Variants in EXOSC10 observed in about 807,000 individuals in gnomAD.
The protein encoded by EXOSC10 is exosome component 10, also known as exosome complex component 10.
In EXOSC10, 94 loss-of-function variants were observed where a neutral mutation model predicts 126.6. The ratio of observed to expected loss-of-function variants is 0.74; its 90% CI spans 0.63 to 0.88. EXOSC10 has a LOEUF of 0.88. Among genes scored for constraint, EXOSC10 ranks in the 40% least tolerant of loss-of-function variants. The pLI is 0.00. For synonymous variants in EXOSC10, 395 were observed against 400.8 expected (o/e 0.99, Z 0.17); for missense variants, 1,041 against 1,100.5 (o/e 0.95, Z 0.77).
At chr1:11,090,716 T>C in intron 5 of EXOSC10, 48 bp from the exon 6 acceptor site, 1 of 1,391,672 alleles carries the variant, frequency 7.2e-7, no homozygotes, top group Non-Finnish European at 9.9e-7. Flanking sequence ...ATTCATGTCT[T>C]TTCTAATTAC....
intron 16 of EXOSC10, 40 bp from the exon 17 acceptor site, chr1:11,076,988 T>C (rs1553165432): frequency 3.3e-6 from 5 of 1,514,720 alleles, no homozygotes; most frequent in East Asian, 2.3e-5. Context: ...GCCTACAGAA[T>C]TTTGTTTATT....
chr1:11,082,094 A>C (rs560643790), intron 10 of EXOSC10, among the ~76,000 whole-genome samples: 1 of 151,522 alleles, frequency 6.6e-6, no homozygotes, highest in Admixed American at 6.6e-5. Flanking sequence ...AAAAAAAAAG[A>C]AAAAAAGAAA....
At chr1:11,084,237 CCCA>C (rs1640360589) in intron 9 of EXOSC10, among the ~76,000 whole-genome samples, 1 of 152,180 alleles carries the variant, frequency 6.6e-6, no homozygotes, top group African/African-American at 2.4e-5. Flanking sequence ...AGTTTACAGT[CCCA>C]CCAACAGTGT....
chr1:11,072,150 C>G lies in EXOSC10; in HGVS notation c.2179G>C (p.Ala727Pro), dbSNP rs770427032. 1 of 1,613,116 alleles carries G rather than the reference C, an allele frequency of 6.2e-7. No individual in the cohort carries two copies. Among genetic ancestry groups the G allele is most frequent in the Admixed American group, 1.7e-5 (1 of 59,764 alleles). ...IYEISNRWKL[A>P]QVQVQKDSKE... ...GAGTCTTTTTGTACTTGTACCTGGGCCAGCTTCCAGCGGTTGCTGATCTAT... is the reference window on the plus strand; with the variant it reads ...GAGTCTTTTTGTACTTGTACCTGGGGCAGCTTCCAGCGGTTGCTGATCTAT... Residue 727 changes from alanine to proline, a missense_variant, in exon 20 of 25, where the codon GCC becomes CCC. By Grantham distance (27) the Ala-to-Pro change is conservative. Around this residue, in one of 3 missense-constraint regions of EXOSC10, gnomAD observed 388 missense variants for 415.2 expected, o/e 0.93. Transcript: ENST00000376936.
chr1:11,090,682 C>G lies in EXOSC10; in HGVS notation c.644-14G>C. 6.4e-7 allele frequency: 1 copy of G among 1,571,500 alleles called. No homozygotes were observed. Among genetic ancestry groups the G allele is most frequent in the Non-Finnish European group, 8.7e-7 (1 of 1,151,902 alleles). ...CCTTAGAGAGAGCTGGGGATCCCAG[C>G]AGTGACAAAAACATCATTAGCACAT... On this transcript the variant is annotated splice_polypyrimidine_tract_variant and intron_variant, in intron 5 of 24. Transcript: ENST00000376936.
At chr1:11,079,636 C>T in intron 14 of EXOSC10, 75 bp downstream of exon 14, 3 of 1,243,342 alleles carry the variant, frequency 2.4e-6, no homozygotes, top group Non-Finnish European at 3.5e-6. Context: ...TGAAATGATC[C>T]AGCCACCTCA....
chr1:11,068,203 C>A, intron 23 of EXOSC10, 119 bp from the exon 24 acceptor site: 2 of 746,670 alleles, frequency 2.7e-6, no homozygotes, highest in East Asian at 2.6e-5. Context: ...CTTTAGATCC[C>A]CTGAGAGAGG....
chr1:11,070,198 C>T (rs1409819309), intron 21 of EXOSC10, among the ~76,000 whole-genome samples: 1 of 146,768 alleles, frequency 6.8e-6, no homozygotes, highest in East Asian at 2.0e-4. Flanking sequence ...AATTGCACCA[C>T]TGTACTCCAG....
intron 1 of EXOSC10, among the ~76,000 whole-genome samples, chr1:11,099,044 A>C (rs980866432): frequency 6.6e-6 from 1 of 152,232 alleles, no homozygotes; most frequent in African/African-American, 2.4e-5. Flanking sequence ...GCTAACAGCA[A>C]ATTAGATAAG....
At chr1:11,087,098 CTCCTGAT>C (rs1192184619) in intron 9 of EXOSC10, among the ~76,000 whole-genome samples, 9 of 152,242 alleles carry the variant, frequency 5.9e-5, no homozygotes, top group Non-Finnish European at 1.2e-4. Context: ...GCTTTCTACA[CTCCTGAT>C]TCCATACGCT....
At chr1:11,082,352 T>A (rs1022836330) in intron 10 of EXOSC10, among the ~76,000 whole-genome samples, 2 of 151,430 alleles carry the variant, frequency 1.3e-5, no homozygotes, top group African/African-American at 4.9e-5. Context: ...CACACAATCA[T>A]CCCTACAGAA....
intron 3 of EXOSC10, among the ~76,000 whole-genome samples, chr1:11,094,119 G>C (rs1197246048): frequency 6.6e-6 from 1 of 151,982 alleles, no homozygotes; most frequent in African/African-American, 2.4e-5. Context: ...CTGGAAGACA[G>C]ATTCAGAATA....
At chr1:11,094,615 T>C (rs1640971335) in intron 3 of EXOSC10, among the ~76,000 whole-genome samples, 1 of 150,208 alleles carries the variant, frequency 6.7e-6, no homozygotes, top group African/African-American at 2.5e-5. Flanking sequence ...TTTTTTTTTT[T>C]TTTTTGAGAC....
intron 22 of EXOSC10, 41 bp from the exon 23 acceptor site, chr1:11,068,747 T>G (rs1369389754): frequency 3.3e-6 from 5 of 1,519,918 alleles, no homozygotes; most frequent in East Asian, 2.3e-5. Context: ...GTCAGGTCAA[T>G]GAGTTACCAC....
chr1:11,068,966 C>A (rs765352555), intron 22 of EXOSC10: 9 of 534,584 alleles, frequency 1.7e-5, no homozygotes, highest in Non-Finnish European at 2.0e-5. Context: ...CAGCAGTGGC[C>A]CCCGCACATA....
At chr1:11,067,607 A>AAAACC (rs1186902334) in intron 24 of EXOSC10, among the ~76,000 whole-genome samples, 1 of 152,156 alleles carries the variant, frequency 6.6e-6, no homozygotes, top group Non-Finnish European at 1.5e-5. Context: ...CTCACAAAAC[A>AAAACC]AAACCAAACC....
At position 11,077,391 on chromosome 1, in the gene EXOSC10, T is replaced by A; in HGVS notation, c.1853A>T (p.Asp618Val). The A allele has an allele frequency of 6.2e-7, 1 of 1,613,274 alleles. No homozygotes were observed. Among genetic ancestry groups the A allele is most frequent in the Non-Finnish European group, 8.5e-7 (1 of 1,179,384 alleles). ...ACTGGTTGGGATGATTGGATAGCCATCCGGAGGGGCATGGGAGCAGTCGTG... is the reference window on the plus strand; with the variant it reads ...ACTGGTTGGGATGATTGGATAGCCAACCGGAGGGGCATGGGAGCAGTCGTG... ...GPHDCSHAPPDGYPIIPTSGS... is the reference protein window; with the variant it reads ...GPHDCSHAPPVGYPIIPTSGS... Residue 618 changes from aspartate to valine, a missense_variant, in exon 16 of 25, where the codon GAT (aspartate) becomes GTT (valine). Physicochemically the swap from Asp to Val is radical, Grantham distance 152 (BLOSUM62 -3). Coordinates refer to ENST00000376936, the MANE Select transcript of EXOSC10 (RefSeq NM_001001998.3).
Position 11,066,639 on chromosome 1 carries a change from T to C in EXOSC10, c.*79A>G. 6.7e-7 allele frequency: 1 copy of C among 1,483,932 alleles called. No homozygotes were observed. The highest frequency in any genetic ancestry group is 1.7e-5 in the Admixed American group (1 of 59,226). The allele number at this position is 1,483,932 out of a possible 1,614,324, so 91.9% of individuals were successfully genotyped here. A position where few individuals can be genotyped will look rare whatever the true frequency, so the allele number is the denominator to read the frequency against. ...CAGCTTTCTTCAGGAAGAATTTTAA[T>C]GGTTTAAAAATATGTATGTACAAAA... On this transcript the variant is annotated 3_prime_UTR_variant, in exon 25 of 25. Transcript: ENST00000376936.
rs1640563961 is a variant in EXOSC10 at position 11,087,550 on chromosome 1, C to T, written c.987G>A (p.Met329Ile). The T allele has an allele frequency of 6.2e-7, 1 of 1,614,112 alleles. No homozygotes were observed. The change falls in exon 9 of 25, where the codon ATG becomes ATA. Residue 329 changes from methionine to isoleucine, a missense_variant. Transcript: ENST00000376936. ...YRSFLGLTCL[M>I]QISTRTEDFI... is the part of the protein sequence containing the mutation. ...AGTCTTCCGTCCGAGTAGAAATTTG[C>T]ATCAGGCAGGTCAGTCCCAGGAAGC... is the stretch of plus-strand genomic sequence containing the variant.
Sources: allele counts gnomAD v4.1 joint callset (sites outside exome capture counted in the v4.1 genomes callset), GRCh38; gene constraint gnomAD v4.1.1; regional missense constraint gnomAD v4.1.1; transcripts MANE v1.5; gene names NCBI Gene and HGNC (gene_info 2026-07-23, HGNC 2026-07-21).